Variants in DEPDC5 observed in about 807,000 individuals in gnomAD.
DEPDC5 encodes the protein GATOR1 complex protein DEPDC5.
In DEPDC5, 73 loss-of-function variants were observed where a neutral mutation model predicts 217.3. That is an observed-to-expected ratio of 0.34 (90% confidence interval 0.28 to 0.41). The LOEUF (loss-of-function observed/expected upper bound fraction) is 0.41. Among genes scored for constraint, DEPDC5 ranks in the 10% least tolerant of loss-of-function variants. DEPDC5 has a pLI of 1.00. For missense variants in DEPDC5, 1,675 were observed against 2,070.1 expected, an observed-to-expected ratio of 0.81 and a Z score of 3.70; for synonymous variants, 733 against 756.7, an observed-to-expected ratio of 0.97 and a Z score of 0.51.
intron 8 of DEPDC5, among the ~76,000 whole-genome samples, chr22:31,782,407 G>A (rs1207944200): frequency 2.0e-5 from 3 of 152,204 alleles, no homozygotes; most frequent in African/African-American, 7.2e-5. Context: ...AAAGTGCTGG[G>A]ATTATGGGTG....
intron 38 of DEPDC5, among the ~76,000 whole-genome samples, chr22:31,893,341 C>A (rs907936378): frequency 6.6e-6 from 1 of 152,070 alleles, no homozygotes; most frequent in Admixed American, 6.6e-5. Flanking sequence ...TTTTGCACTA[C>A]AATAGCAGAG....
chr22:31,905,939 T>C (rs2093750066), intron 41 of DEPDC5, 45 bp from the exon 42 acceptor site: 2 of 1,556,836 alleles, frequency 1.3e-6, no homozygotes, highest in Non-Finnish European at 8.9e-7. Context: ...CTTGCCCCTT[T>C]AACTAAGGAG....
chr22:31,826,651 G>A (rs1162111380), intron 24 of DEPDC5, among the ~76,000 whole-genome samples: 1 of 152,030 alleles, frequency 6.6e-6, no homozygotes, highest in Non-Finnish European at 1.5e-5. Flanking sequence ...GCATGTTTCC[G>A]CACAGCTCCG....
intron 37 of DEPDC5, among the ~76,000 whole-genome samples, chr22:31,878,675 T>C (rs1284664949): frequency 6.6e-6 from 1 of 152,054 alleles, no homozygotes; most frequent in African/African-American, 2.4e-5. Flanking sequence ...GTTGTACCAC[T>C]GCACTGAAGA....
chr22:31,838,870 AT>A (rs760678416), intron 27 of DEPDC5, 25 bp downstream of exon 27: 22 of 1,602,872 alleles, frequency 1.4e-5, no homozygotes, highest in Non-Finnish European at 1.8e-5. Context: ...TTGGATTTCT[AT>A]TTTTTTCTCT....
intron 32 of DEPDC5, 117 bp downstream of exon 32, chr22:31,857,670 C>A: frequency 1.3e-6 from 1 of 767,472 alleles, no homozygotes. Context: ...TGGATGAATT[C>A]TACCCTGAAC....
chr22:31,763,853 A>G (rs918804416), intron 4 of DEPDC5, among the ~76,000 whole-genome samples: 3 of 152,106 alleles, frequency 2.0e-5, no homozygotes, highest in Non-Finnish European at 4.4e-5. Context: ...AGTAAAAAAA[A>G]AATTTAAAGT....
intron 36 of DEPDC5, chr22:31,875,676 AG>A (rs2092972133): frequency 8.0e-6 from 1 of 125,426 alleles, no homozygotes; most frequent in African/African-American, 3.1e-5. Flanking sequence ...TTCGTCGCCT[AG>A]GCTGGAGTGC....
intron 18 of DEPDC5, among the ~76,000 whole-genome samples, chr22:31,808,132 G>T (rs991942609): frequency 3.3e-5 from 5 of 151,802 alleles, no homozygotes; most frequent in African/African-American, 4.8e-5. Flanking sequence ...ACAGAGTCTC[G>T]CTCTGTCATG....
At chr22:31,817,938 C>T (rs558477525) in intron 21 of DEPDC5, among the ~76,000 whole-genome samples, 16 of 152,280 alleles carry the variant, frequency 1.1e-4, no homozygotes, top group African/African-American at 3.8e-4. Context: ...ACATTCTCTT[C>T]TTTCCTGCAA....
At chr22:31,904,261 C>G (rs1385969228) in intron 41 of DEPDC5, among the ~76,000 whole-genome samples, 1 of 152,244 alleles carries the variant, frequency 6.6e-6, no homozygotes, top group South Asian at 2.1e-4. Context: ...CCCTCCCCTG[C>G]CCTTACTGCG....
intron 2 of DEPDC5, among the ~76,000 whole-genome samples, chr22:31,756,038 ATTT>A (rs35222514): frequency 2.6e-5 from 3 of 116,844 alleles, no homozygotes; most frequent in Admixed American, 8.9e-5. Context: ...ACACCTGGCT[ATTT>A]TTTTTTTTTT....
chr22:31,756,668 C>T (rs2081964615), intron 2 of DEPDC5, among the ~76,000 whole-genome samples: 1 of 152,022 alleles, frequency 6.6e-6, no homozygotes, highest in Non-Finnish European at 1.5e-5. Flanking sequence ...TGACTGTAAT[C>T]CTGGCATTTT....
intron 37 of DEPDC5, among the ~76,000 whole-genome samples, chr22:31,879,043 A>AAT (rs1555918454): frequency 0.17 from 19,699 of 117,178 alleles, 2,556 homozygotes; most frequent in East Asian, 0.3. Flanking sequence ...AAAAAAAAAA[A>AAT]ATATATATAT....
At chr22:31,766,831 C>T (rs2082859823) in intron 6 of DEPDC5, among the ~76,000 whole-genome samples, 163 bp downstream of exon 6, 1 of 152,020 alleles carries the variant, frequency 6.6e-6, no homozygotes, top group African/African-American at 2.4e-5. Context: ...TTTCACTGTT[C>T]TTTTGATCTT....
At chr22:31,865,184 A>T (rs1460569073) in intron 33 of DEPDC5, among the ~76,000 whole-genome samples, 2 of 151,910 alleles carry the variant, frequency 1.3e-5, no homozygotes, top group African/African-American at 4.8e-5. Context: ...TTTTGGAATG[A>T]TGTAAGATGT....
At chr22:31,899,639 G>A (rs888619070) in intron 40 of DEPDC5, among the ~76,000 whole-genome samples, 12 of 152,064 alleles carry the variant, frequency 7.9e-5, no homozygotes, top group Admixed American at 4.6e-4. Context: ...TGATCTGCCC[G>A]CCTCGGCTTC....
In DEPDC5 at chr22:31,873,360, G is replaced by A. The variant is rs370895991; in HGVS notation, c.3563+28G>A. On this transcript the variant is annotated intron_variant, in intron 35 of 42. Coordinates refer to ENST00000651528, the MANE Select transcript of DEPDC5 (RefSeq NM_001242896.3). ...AAGTGGCTCACCACAGTGTAGGGTT[G>A]GAAGGTTCCCAGAAGCCTGTGCCAC... 977 of 1,605,484 alleles carry A rather than the reference G, an allele frequency of 6.1e-4. 2 individuals carry two copies. The highest frequency in any genetic ancestry group is 7.3e-4 in the Non-Finnish European group (861 of 1,173,530).
chr22:31,884,710 A>G (rs778325876), intron 38 of DEPDC5, among the ~76,000 whole-genome samples: 4 of 151,962 alleles, frequency 2.6e-5, no homozygotes, highest in Non-Finnish European at 4.4e-5. Flanking sequence ...CCAAATTTCT[A>G]TCTCCATCCT....
Sources: gnomAD v4.1 joint callset for allele counts (sites outside exome capture counted in the v4.1 genomes callset) on GRCh38, gnomAD v4.1.1 for gene constraint, MANE v1.5 for transcripts, NCBI Gene and HGNC (gene_info 2026-07-23, HGNC 2026-07-21) for gene names.